MMP26: variants seen among roughly 807,000 people sequenced by gnomAD.
MMP26 encodes the protein matrix metalloproteinase-26.
A neutral mutation model predicts 31.0 loss-of-function variants in MMP26; 33 were observed. That is an observed-to-expected ratio of 1.06 (90% CI 0.81 to 1.42). MMP26 has a LOEUF of 1.42. Among genes scored for constraint, MMP26 ranks in the 40% most tolerant of loss-of-function variants. MMP26 has a pLI of 0.00. For missense variants in MMP26, 347 were observed against 316.1 expected (o/e 1.10, Z -0.74); for synonymous variants, 122 against 114.9 (o/e 1.06, Z -0.40).
intron 2 of MMP26, among the ~76,000 whole-genome samples, chr11:4,922,483 T>C (rs897303233): frequency 2.6e-5 from 4 of 152,170 alleles, no homozygotes; most frequent in African/African-American, 9.6e-5. Context: ...CTAGGATATA[T>C]GTACCAACAC....
intron 2 of MMP26, among the ~76,000 whole-genome samples, chr11:4,805,756 G>T (rs540465983): frequency 8.5e-5 from 13 of 152,250 alleles, no homozygotes; most frequent in African/African-American, 2.9e-4. Flanking sequence ...GGCCATAGAG[G>T]TTGCCCTGCT....
chr11:4,769,469 A>T (rs563175912), intron 2 of MMP26: 31 of 1,613,568 alleles, frequency 1.9e-5, no homozygotes, highest in Non-Finnish European at 2.5e-5. Context: ...ACGTGTAATC[A>T]TCAGAAGACC....
chr11:4,838,444 A>T (rs1371300324), intron 2 of MMP26, among the ~76,000 whole-genome samples: 1 of 151,750 alleles, frequency 6.6e-6, no homozygotes, highest in African/African-American at 2.4e-5. Context: ...TAAAGCCAGC[A>T]ATCGTGACCT....
chr11:4,835,492 G>A (rs932482551), intron 2 of MMP26, among the ~76,000 whole-genome samples: 4 of 152,088 alleles, frequency 2.6e-5, no homozygotes, highest in Non-Finnish European at 1.5e-5. Flanking sequence ...TAGACTGGCC[G>A]GGGGTATTAA....
At chr11:4,988,403 G>T in intron 3 of MMP26, 93 bp downstream of exon 3, 1 of 883,468 alleles carries the variant, frequency 1.1e-6, no homozygotes, top group East Asian at 2.4e-5. Flanking sequence ...ATGGTATAAT[G>T]ATAAATACAC....
rs368484934 is a variant in MMP26 at position 4,871,557 on chromosome 11, A to G, written c.-145+104216A>G. Among the ~76,000 whole-genome samples the G allele has an allele frequency of 2.6e-5, 4 of 152,222 alleles. No individual in the cohort carries two copies. In the South Asian group the frequency reaches 8.3e-4, roughly 32 times the overall value. On this transcript the variant is annotated intron_variant, in intron 2 of 7. Transcript: ENST00000380390. ...TGGGAATAAGACAAAGTAGACTAGC[A>G]TGCTCAGAAGCCTGGGTCTGTGTAG...
chr11:4,962,159 G>T lies in MMP26; in HGVS notation c.-144-25909G>T, dbSNP rs903970904. On this transcript the variant is annotated intron_variant, in intron 2 of 7. Transcript: ENST00000380390. ...GGAAGCAGCGGCAACTCAGTGTGTAGTGTGCTCCTTGATAACATTGCTGTT... is the reference window on the plus strand; with the variant it reads ...GGAAGCAGCGGCAACTCAGTGTGTATTGTGCTCCTTGATAACATTGCTGTT... Among the ~76,000 whole-genome samples, 7 of 152,154 alleles carry T rather than the reference G, an allele frequency of 4.6e-5. 1 individual carries two copies. Among genetic ancestry groups the T allele is most frequent in the South Asian group, 4.1e-4 (2 of 4,826 alleles).
intron 2 of MMP26, among the ~76,000 whole-genome samples, chr11:4,797,801 A>G (rs760171260): frequency 6.6e-6 from 1 of 152,210 alleles, no homozygotes; most frequent in South Asian, 2.1e-4. Flanking sequence ...GGAATTATAC[A>G]TCTCCTTTAA....
chr11:4,960,222 T>C (rs1404760062), intron 2 of MMP26, among the ~76,000 whole-genome samples: 1 of 152,110 alleles, frequency 6.6e-6, no homozygotes, highest in Non-Finnish European at 1.5e-5. Context: ...AAAATAAATA[T>C]CTTAAAAGCA....
chr11:4,837,887 A>G (rs149908838), intron 2 of MMP26, among the ~76,000 whole-genome samples: 2,836 of 152,176 alleles, frequency 0.019, 80 homozygotes, highest in African/African-American at 0.062. Flanking sequence ...TTAAAGTAAC[A>G]TTGATTACTA....
At chr11:4,966,882 G>A (rs1450200470) in intron 2 of MMP26, among the ~76,000 whole-genome samples, 1 of 152,158 alleles carries the variant, frequency 6.6e-6, no homozygotes, top group Non-Finnish European at 1.5e-5. Context: ...AACTCTCAGA[G>A]GGCAGCTAGT....
intron 2 of MMP26, chr11:4,822,232 C>T: frequency 1.3e-6 from 2 of 1,580,430 alleles, no homozygotes; most frequent in Non-Finnish European, 1.7e-6. Flanking sequence ...CCATTCAGCA[C>T]CTCCATTTGT....
intron 2 of MMP26, among the ~76,000 whole-genome samples, chr11:4,851,313 C>G (rs897851231): frequency 6.6e-6 from 1 of 152,144 alleles, no homozygotes; most frequent in Admixed American, 6.5e-5. Context: ...TCAGTTAGCA[C>G]GGCAATTTTG....
chr11:4,990,762 G>A lies in MMP26; in HGVS notation c.469+16G>A. ...TGGCAGTGGGGTAAGAAATTGACAT[G>A]GGAAGAAGGATATGTATATGCCCTG... On this transcript the variant is annotated intron_variant, in intron 5 of 7. Coordinates refer to ENST00000380390, the MANE Select transcript of MMP26 (RefSeq NM_021801.5). 6.2e-7 allele frequency: 1 copy of A among 1,613,726 alleles called. No homozygotes were observed. The highest frequency in any genetic ancestry group is 1.3e-5 in the African/African-American group (1 of 75,052).
At chr11:4,978,848 G>T (rs1049939946) in intron 2 of MMP26, among the ~76,000 whole-genome samples, 2 of 152,098 alleles carry the variant, frequency 1.3e-5, no homozygotes, top group African/African-American at 4.8e-5. Flanking sequence ...GGAATAATTT[G>T]CAGCATAAAC....
chr11:4,946,250 A>G (rs769309678), intron 2 of MMP26: 2 of 1,614,030 alleles, frequency 1.2e-6, no homozygotes, highest in Non-Finnish European at 1.7e-6. Context: ...CAGTGGAGGT[A>G]CAAGTAGGAG....
chr11:4,741,843 G>A (rs1010213834), intron 1 of MMP26, among the ~76,000 whole-genome samples: 2 of 152,054 alleles, frequency 1.3e-5, no homozygotes, highest in Non-Finnish European at 2.9e-5. Flanking sequence ...AATAATGGGT[G>A]CATAAAGAAA....
intron 2 of MMP26, chr11:4,769,692 TCAAGCCCAGATCAGTGGCTGATAG>T: frequency 1.2e-6 from 2 of 1,613,026 alleles, no homozygotes; most frequent in Non-Finnish European, 1.7e-6. Flanking sequence ...GAAGAAACAG[TCAAGCCCAGATCAGTGGCTGATAG>T]CCTGAAGAGG....
In MMP26 at chr11:4,734,138, CTT is replaced by C. The variant is rs1848207664; in HGVS notation, c.-217+29095_-217+29096del. ...TAACAATTTTCTTTTCCTATGATGT[CTT>C]TGCATAGTTTTGACATCATGATAAA... On this transcript the variant is annotated intron_variant, in intron 1 of 7. Transcript: ENST00000380390. 5.3e-5 allele frequency among the ~76,000 whole-genome samples: 8 copies of C among 152,156 alleles called. No homozygotes were observed. The South Asian group carries it at 1.7e-3, about 32-fold the overall frequency.
Sources: allele counts gnomAD v4.1 joint callset (sites outside exome capture counted in the v4.1 genomes callset), GRCh38; gene constraint gnomAD v4.1.1; transcripts MANE v1.5; gene names NCBI Gene and HGNC (gene_info 2026-07-23, HGNC 2026-07-21).